Variants in NRXN1 observed in about 807,000 individuals in gnomAD.
NRXN1 encodes neurexin 1, also known as neurexin-1.
In NRXN1, 39 loss-of-function variants were observed where a neutral mutation model predicts 150.9. The ratio of observed to expected loss-of-function variants is 0.26; its 90% CI spans 0.20 to 0.34. The LOEUF is 0.34. Among genes scored for constraint, NRXN1 ranks in the 10% least tolerant of loss-of-function variants. NRXN1 has a pLI of 1.00. For synonymous variants in NRXN1, 924 were observed against 757.0 expected, an observed-to-expected ratio of 1.22 and a Z score of -3.62; for missense variants, 1,815 against 1,949.9, an observed-to-expected ratio of 0.93 and a Z score of 1.30.
chr2:50,071,151 A>C (rs1308965779), intron 19 of NRXN1, among the ~76,000 whole-genome samples: 2 of 152,360 alleles, frequency 1.3e-5, no homozygotes, highest in East Asian at 3.9e-4. Context: ...TACAAGAAGA[A>C]GCCTGAACTA....
chr2:50,089,568 C>T (rs974304873), intron 19 of NRXN1, among the ~76,000 whole-genome samples: 2 of 152,110 alleles, frequency 1.3e-5, no homozygotes, highest in Non-Finnish European at 2.9e-5. Flanking sequence ...AGGAAGATCA[C>T]TTAAGGTCAG....
At chr2:50,815,689 T>C (rs1219148847) in intron 5 of NRXN1, among the ~76,000 whole-genome samples, 1 of 152,178 alleles carries the variant, frequency 6.6e-6, no homozygotes, top group Non-Finnish European at 1.5e-5. Context: ...TGTGTGTATG[T>C]ATATGTGTGT....
intron 18 of NRXN1, among the ~76,000 whole-genome samples, chr2:50,117,900 A>C (rs1246312754): frequency 6.6e-6 from 1 of 152,152 alleles, no homozygotes; most frequent in African/African-American, 2.4e-5. Context: ...TTGCTGAAAA[A>C]TTTAATGTAA....
intron 15 of NRXN1, among the ~76,000 whole-genome samples, chr2:50,477,443 T>C (rs1390746494): frequency 6.6e-6 from 1 of 151,934 alleles, no homozygotes; most frequent in Non-Finnish European, 1.5e-5. Flanking sequence ...GGAACGGAGG[T>C]TGGAGCTTAG....
intron 22 of NRXN1, among the ~76,000 whole-genome samples, chr2:49,937,919 G>A (rs912733377): frequency 6.6e-6 from 1 of 152,118 alleles, no homozygotes; most frequent in Non-Finnish European, 1.5e-5. Context: ...TAATGAAAAG[G>A]TGCACCTTGT....
intron 2 of NRXN1, among the ~76,000 whole-genome samples, chr2:50,936,515 T>C (rs560131276): frequency 6.6e-6 from 1 of 152,306 alleles, no homozygotes. Context: ...GTGAAATGGC[T>C]AATAGCTGCT....
At chr2:50,126,451 A>T (rs1374015073) in intron 18 of NRXN1, among the ~76,000 whole-genome samples, 1 of 152,078 alleles carries the variant, frequency 6.6e-6, no homozygotes, top group Admixed American at 6.6e-5. Flanking sequence ...AATAATTGGT[A>T]CTGCTAATAT....
chr2:50,412,631 T>C (rs2083272449), intron 17 of NRXN1, among the ~76,000 whole-genome samples: 1 of 152,178 alleles, frequency 6.6e-6, no homozygotes, highest in African/African-American at 2.4e-5. Context: ...TGCTTATTTT[T>C]GTGGTAAGCT....
rs1337618844 is a variant in NRXN1, at chr2:49,920,627, T to TTGTC, written c.*1313_*1316dup. On this transcript the variant is annotated 3_prime_UTR_variant, in exon 23 of 23. Coordinates refer to ENST00000401669, the MANE Select transcript of NRXN1 (RefSeq NM_001330078.2). ...ACCCTCTTCCTTCCTGCTTTTCAAT[T>TTGTC]TGTCAATAAATATTTGCTACTGTAT... 1 of 152,386 alleles carries TTGTC rather than the reference T, an allele frequency of 6.6e-6. No homozygotes were observed. 9.4% of individuals were successfully genotyped at this position (152,386 alleles called of 1,614,324 possible). A position where few individuals can be genotyped will look rare whatever the true frequency, so the allele number is the denominator to read the frequency against.
intron 21 of NRXN1, among the ~76,000 whole-genome samples, chr2:50,044,793 C>A (rs559772995): frequency 2.0e-5 from 3 of 152,082 alleles, no homozygotes; most frequent in Non-Finnish European, 4.4e-5. Context: ...TAATACCTAG[C>A]AAAGTGTGCT....
At chr2:50,495,359 TGTGTGTGTGTGTGTGTGTGTG>T (rs749140929) in intron 15 of NRXN1, among the ~76,000 whole-genome samples, 5,465 of 17,550 alleles carry the variant, frequency 0.31, 346 homozygotes, top group South Asian at 0.37. Flanking sequence ...TGTGTGTGTG[TGTGTGTGTGTGTGTGTGTGTG>T]GTGTGTGTGT....
intron 21 of NRXN1, among the ~76,000 whole-genome samples, chr2:49,981,054 G>A (rs2152507798): frequency 6.6e-6 from 1 of 152,208 alleles, no homozygotes; most frequent in Admixed American, 6.5e-5. Flanking sequence ...TAAGGTCAAA[G>A]ATTAGTGGTG....
At chr2:50,233,663 T>C (rs1009746175) in intron 18 of NRXN1, among the ~76,000 whole-genome samples, 4 of 152,120 alleles carry the variant, frequency 2.6e-5, no homozygotes, top group Non-Finnish European at 5.9e-5. Flanking sequence ...CAAATTTTCC[T>C]TGAAGTTTAA....
intron 2 of NRXN1, among the ~76,000 whole-genome samples, chr2:50,956,993 T>A (rs933521095): frequency 2.6e-5 from 4 of 152,118 alleles, no homozygotes; most frequent in African/African-American, 9.7e-5. Context: ...TATCCATTAA[T>A]ATGAAGCAAT....
chr2:50,648,898 G>A (rs1017562452), intron 5 of NRXN1, among the ~76,000 whole-genome samples: 1 of 151,954 alleles, frequency 6.6e-6, no homozygotes, highest in Non-Finnish European at 1.5e-5. Context: ...TTTGGTTGCT[G>A]ACATCACATT....
rs12614112 is a variant in NRXN1, at chr2:50,724,883, A to C, written c.833-101268T>G. ...TTTCTTCTTTTGCTCTTCACAATAA[A>C]TCTTGCTGCTGCTCACTAAACAAAA... On this transcript the variant is annotated intron_variant, in intron 5 of 22. Coordinates refer to ENST00000401669, the MANE Select transcript of NRXN1 (RefSeq NM_001330078.2). Among the ~76,000 whole-genome samples the C allele has an allele frequency of 2.4e-4, 36 of 151,576 alleles. 1 individual carries two copies. The East Asian group carries it at 6.8e-3, about 28-fold the overall frequency.
At position 50,419,809 on chromosome 2, in the gene NRXN1, G is replaced by A. The variant is rs2083832171; in HGVS notation, c.3364+45633C>T. On this transcript the variant is annotated intron_variant, in intron 17 of 22. Transcript: ENST00000401669. ...CTCCTCCCATTATATGCTTTTATGA[G>A]AGATGGTTAGTGAATTTTACACTTA... Among the ~76,000 whole-genome samples, 3 of 151,968 alleles carry A rather than the reference G, an allele frequency of 2.0e-5. No homozygotes were observed. The South Asian group carries it at 6.2e-4, about 32-fold the overall frequency.
At chr2:50,265,242 A>G (rs1453124378) in intron 17 of NRXN1, among the ~76,000 whole-genome samples, 1 of 152,118 alleles carries the variant, frequency 6.6e-6, no homozygotes, top group East Asian at 1.9e-4. Context: ...GGCAAGGACA[A>G]CAAACACCGA....
intron 5 of NRXN1, among the ~76,000 whole-genome samples, chr2:50,690,293 T>C (rs879749711): frequency 6.6e-6 from 1 of 152,178 alleles, no homozygotes; most frequent in Non-Finnish European, 1.5e-5. Flanking sequence ...CAAAATATGA[T>C]GAAAAGCATA....
Sources: allele counts gnomAD v4.1 joint callset (sites outside exome capture counted in the v4.1 genomes callset), GRCh38; gene constraint gnomAD v4.1.1; transcripts MANE v1.5; gene names NCBI Gene and HGNC (gene_info 2026-07-23, HGNC 2026-07-21).